Variants in CDH9 observed in about 807,000 individuals in gnomAD.
CDH9 encodes cadherin 9.
CDH9 carries 28 observed loss-of-function variants against 70.9 expected under a neutral mutation model. The observed-to-expected ratio is 0.40, with a 90% CI of 0.29 to 0.54. The LOEUF (loss-of-function observed/expected upper bound fraction) is 0.54, where lower values mean the gene tolerates loss of function less well. Ranked by LOEUF, CDH9 falls within the 20% of genes least tolerant of loss-of-function variation. The probability of loss-of-function intolerance (pLI) is 0.59; values close to 1 mark genes in which losing one functional copy is unlikely to be tolerated. For missense variants in CDH9, 874 were observed against 984.4 expected (o/e 0.89, Z 1.50); for synonymous variants, 409 against 343.1 (o/e 1.19, Z -2.12).
At chr5:26,948,480 C>A (rs1467482326) in intron 2 of CDH9, among the ~76,000 whole-genome samples, 3 of 152,200 alleles carry the variant, frequency 2.0e-5, no homozygotes, top group African/African-American at 7.2e-5. Context: ...TATCACACAG[C>A]CTCTACTGCT....
intron 2 of CDH9, among the ~76,000 whole-genome samples, chr5:26,973,644 T>A (rs1742257974): frequency 6.6e-6 from 1 of 152,136 alleles, no homozygotes; most frequent in African/African-American, 2.4e-5. Context: ...CCAATTCGAG[T>A]GTCTCGCTCT....
At chr5:26,923,251 C>A (rs370915494) in intron 2 of CDH9, among the ~76,000 whole-genome samples, 1 of 142,456 alleles carries the variant, frequency 7.0e-6, no homozygotes, top group Non-Finnish European at 1.6e-5. Context: ...ACAACAACAA[C>A]AAAAAGCAGG....
intron 2 of CDH9, among the ~76,000 whole-genome samples, chr5:26,938,279 A>G (rs1741596241): frequency 6.6e-6 from 1 of 151,674 alleles, no homozygotes; most frequent in African/African-American, 2.4e-5. Flanking sequence ...AGAACTCATT[A>G]TCTATTATAT....
chr5:26,881,590 T>C lies in CDH9; in HGVS notation c.1916A>G (p.Gln639Arg), dbSNP rs140250627. Residue 639 changes from glutamine to arginine, a missense_variant, in exon 12 of 12, where the codon CAA becomes CGA. By Grantham distance (43) the Gln-to-Arg change is conservative. Coordinates refer to ENST00000231021, the MANE Select transcript of CDH9 (RefSeq NM_016279.4). Reference protein sequence around the residue: ...LVVLFAALKRQRKKEPLIISK... With the variant: ...LVVLFAALKRRRKKEPLIISK... The stretch of plus-strand genomic sequence containing the variant: ...AATTATCAGAGGTTCCTTTTTTCTT[T>C]GCCTCTTCAATGCAGCAAACAACAC... 1 of 1,611,818 alleles carries C rather than the reference T, an allele frequency of 6.2e-7. No individual in the cohort carries two copies. The highest frequency in any genetic ancestry group is 8.5e-7 in the Non-Finnish European group (1 of 1,179,266).
intron 7 of CDH9, among the ~76,000 whole-genome samples, chr5:26,899,569 A>G (rs1447048117): frequency 1.3e-5 from 2 of 152,110 alleles, no homozygotes; most frequent in Admixed American, 6.6e-5. Flanking sequence ...CAAACACCAC[A>G]TGTTCTCACT....
intron 3 of CDH9, among the ~76,000 whole-genome samples, chr5:26,913,753 ATGTT>A (rs1166193866): frequency 3.2e-5 from 4 of 125,086 alleles, no homozygotes; most frequent in African/African-American, 6.7e-5. Context: ...ATATACATAT[ATGTT>A]TGTGTGTGTG....
chr5:26,980,080 A>G (rs1178658587), intron 2 of CDH9, among the ~76,000 whole-genome samples: 1 of 151,892 alleles, frequency 6.6e-6, no homozygotes, highest in Non-Finnish European at 1.5e-5. Context: ...TCAAGTATAT[A>G]AGAAACATTT....
chr5:26,951,713 G>A (rs1010846804), intron 2 of CDH9, among the ~76,000 whole-genome samples: 7 of 152,064 alleles, frequency 4.6e-5, no homozygotes, highest in Non-Finnish European at 7.4e-5. Flanking sequence ...AAATCATTAA[G>A]TAAGTTTTAT....
chr5:26,982,938 G>A (rs551679128), intron 2 of CDH9, among the ~76,000 whole-genome samples: 182 of 152,120 alleles, frequency 1.2e-3, no homozygotes, highest in Non-Finnish European at 1.9e-3. Context: ...ACCCGCCTCC[G>A]CCTCCCAGAG....
intron 7 of CDH9, among the ~76,000 whole-genome samples, chr5:26,900,165 T>A (rs1314212523): frequency 6.6e-6 from 1 of 152,008 alleles, no homozygotes; most frequent in Non-Finnish European, 1.5e-5. Flanking sequence ...ACCAGAATAA[T>A]TCTGTAACTA....
chr5:26,920,013 G>A (rs955302826), intron 2 of CDH9, among the ~76,000 whole-genome samples: 1 of 152,070 alleles, frequency 6.6e-6, no homozygotes, highest in African/African-American at 2.4e-5. Context: ...GGAAGCAGAG[G>A]GACTTTATCT....
chr5:26,893,990 C>T (rs1740705112), intron 7 of CDH9, among the ~76,000 whole-genome samples: 1 of 151,998 alleles, frequency 6.6e-6, no homozygotes, highest in South Asian at 2.1e-4. Flanking sequence ...CAAATAAAGT[C>T]ATTGGAACAA....
chr5:26,979,982 G>C (rs940499493), intron 2 of CDH9, among the ~76,000 whole-genome samples: 11 of 151,706 alleles, frequency 7.3e-5, no homozygotes, highest in Non-Finnish European at 1.2e-4. Flanking sequence ...ACAAAATATG[G>C]AATGCTAGAG....
chr5:26,976,100 T>G (rs566359340), intron 2 of CDH9, among the ~76,000 whole-genome samples: 1 of 152,204 alleles, frequency 6.6e-6, no homozygotes, highest in South Asian at 2.1e-4. Flanking sequence ...AAACAGAAAT[T>G]TAATGAGGAG....
intron 8 of CDH9, 151 bp downstream of exon 8, chr5:26,890,277 A>G (rs1424585835): frequency 3.1e-6 from 2 of 650,950 alleles, no homozygotes; most frequent in Admixed American, 2.8e-5. Context: ...CCTTAAAAAT[A>G]ATTTAAAAAT....
chr5:26,961,734 TAGG>T (rs1229966797), intron 2 of CDH9, among the ~76,000 whole-genome samples: 1 of 152,178 alleles, frequency 6.6e-6, no homozygotes, highest in Non-Finnish European at 1.5e-5. Flanking sequence ...AATTGTGTTG[TAGG>T]AGATCATATT....
rs183783044 is a variant in CDH9, at chr5:26,992,089, G to A, written c.-49-3707C>T. On this transcript the variant is annotated intron_variant, in intron 1 of 11. Transcript: ENST00000231021. ...GGCACTGGATTCTCATAAGCAGCAC[G>A]CAACCTAGATCCCTTGCACGCCCAG... Among the ~76,000 whole-genome samples the A allele has an allele frequency of 7.9e-5, 12 of 152,216 alleles. No individual in the cohort carries two copies. In the East Asian group the frequency reaches 9.7e-4, roughly 12 times the overall value.
At chr5:26,959,964 G>A (rs1328542962) in intron 2 of CDH9, among the ~76,000 whole-genome samples, 1 of 151,926 alleles carries the variant, frequency 6.6e-6, no homozygotes, top group Admixed American at 6.6e-5. Flanking sequence ...GATCACCATT[G>A]AAAATGTACT....
intron 2 of CDH9, among the ~76,000 whole-genome samples, chr5:26,939,001 T>C (rs1741610982): frequency 6.6e-6 from 1 of 152,002 alleles, no homozygotes. Context: ...TTTAAAATAT[T>C]GTGTGAAATT....
Sources: gnomAD v4.1 joint callset for allele counts (sites outside exome capture counted in the v4.1 genomes callset) on GRCh38, gnomAD v4.1.1 for gene constraint, MANE v1.5 for transcripts, NCBI Gene and HGNC (gene_info 2026-07-23, HGNC 2026-07-21) for gene names.